PDE1A: variants seen among roughly 807,000 people sequenced by gnomAD.
PDE1A encodes the protein phosphodiesterase 1A.
Under a neutral mutation model 61.7 loss-of-function variants are expected in PDE1A, and 35 were observed. The observed-to-expected ratio is 0.57, with a 90% CI of 0.43 to 0.75. PDE1A has a LOEUF of 0.75. Among genes scored for constraint, PDE1A ranks in the 30% least tolerant of loss-of-function variants. PDE1A has a pLI of 0.00. For missense variants in PDE1A, 597 were observed against 630.6 expected (o/e 0.95, Z 0.57); for synonymous variants, 232 against 213.2 (o/e 1.09, Z -0.77).
intron 1 of PDE1A, among the ~76,000 whole-genome samples, chr2:182,275,772 A>C (rs959546357): frequency 1.3e-5 from 2 of 152,122 alleles, no homozygotes; most frequent in African/African-American, 2.4e-5. Context: ...CTTCTAACAC[A>C]GCCATTTTAT....
chr2:182,460,862 C>CA (rs1299148952), intron 2 of PDE1A, among the ~76,000 whole-genome samples: 27 of 152,188 alleles, frequency 1.8e-4, no homozygotes, highest in African/African-American at 6.0e-4. Context: ...CTTTTAATGG[C>CA]AAAAACTGCA....
At chr2:182,402,335 C>T (rs1255770631) in intron 1 of PDE1A, among the ~76,000 whole-genome samples, 1 of 152,090 alleles carries the variant, frequency 6.6e-6, no homozygotes. Flanking sequence ...ATTTATAGAC[C>T]AATGGAACAG....
At chr2:182,179,824 A>T (rs531833468) in intron 13 of PDE1A, among the ~76,000 whole-genome samples, 1 of 152,328 alleles carries the variant, frequency 6.6e-6, no homozygotes, top group East Asian at 1.9e-4. Context: ...TATTTTAATG[A>T]ACCTTATTTT....
At chr2:182,596,926 G>A in the PDE1A span, among the ~76,000 whole-genome samples, 8 of 152,266 alleles carry the variant, frequency 5.3e-5, no homozygotes, top group African/African-American at 1.9e-4. Flanking sequence ...GGCTGAGGCA[G>A]GTGAATCTGT....
At chr2:182,487,733 A>T (rs924751469) in intron 2 of PDE1A, among the ~76,000 whole-genome samples, 2 of 152,146 alleles carry the variant, frequency 1.3e-5, no homozygotes, top group Admixed American at 6.6e-5. Context: ...AACTCTAAAA[A>T]TTTTTTGAAA....
intron 1 of PDE1A, among the ~76,000 whole-genome samples, chr2:182,316,228 G>T (rs1414478601): frequency 6.6e-6 from 1 of 152,140 alleles, no homozygotes; most frequent in East Asian, 1.9e-4. Context: ...TAAAAATGAG[G>T]TAATTTATGT....
downstream of PDE1A, among the ~76,000 whole-genome samples, chr2:182,166,921 A>C (rs1691680779): frequency 6.6e-6 from 1 of 152,200 alleles, no homozygotes; most frequent in Admixed American, 6.5e-5. Flanking sequence ...ACAGTAAAAG[A>C]TGATGTAGGA....
At chr2:182,485,334 G>A (rs576355256) in intron 2 of PDE1A, among the ~76,000 whole-genome samples, 13 of 152,080 alleles carry the variant, frequency 8.5e-5, no homozygotes, top group African/African-American at 2.6e-4. Flanking sequence ...TGAACACAAA[G>A]AAGGAAACAA....
chr2:182,570,697 A>G, the PDE1A span, among the ~76,000 whole-genome samples: 1 of 152,206 alleles, frequency 6.6e-6, no homozygotes, highest in Non-Finnish European at 1.5e-5. Flanking sequence ...TAGGGTAAAA[A>G]GGAAACCTAA....
intron 2 of PDE1A, among the ~76,000 whole-genome samples, chr2:182,466,017 AT>A (rs552580548): frequency 2.7e-4 from 41 of 152,166 alleles, no homozygotes; most frequent in Middle Eastern, 3.4e-3. Flanking sequence ...TAAGTAAAGA[AT>A]TTTAAGGTGT....
At chr2:182,689,228 C>A in the PDE1A span, among the ~76,000 whole-genome samples, 1 of 152,164 alleles carries the variant, frequency 6.6e-6, no homozygotes, top group Non-Finnish European at 1.5e-5. Context: ...AATATACATT[C>A]TTCTCAGGAC....
At chr2:182,464,311 A>C (rs1686509915) in intron 2 of PDE1A, among the ~76,000 whole-genome samples, 1 of 152,144 alleles carries the variant, frequency 6.6e-6, no homozygotes, top group African/African-American at 2.4e-5. Flanking sequence ...AGGGTCTTGC[A>C]GTGGGGTATA....
At chr2:182,445,038 C>G (rs1465259211) in intron 2 of PDE1A, among the ~76,000 whole-genome samples, 1 of 152,024 alleles carries the variant, frequency 6.6e-6, no homozygotes, top group Non-Finnish European at 1.5e-5. Flanking sequence ...TTGAGCCATA[C>G]TATAATTATG....
At chr2:182,678,291 TG>T in the PDE1A span, among the ~76,000 whole-genome samples, 2 of 151,962 alleles carry the variant, frequency 1.3e-5, no homozygotes, top group Non-Finnish European at 2.9e-5. Context: ...GGCATGGTGG[TG>T]GGCGCCTGTA....
the PDE1A span, among the ~76,000 whole-genome samples, chr2:182,684,285 T>C: frequency 6.6e-6 from 1 of 152,142 alleles, no homozygotes; most frequent in Non-Finnish European, 1.5e-5. Flanking sequence ...CAATACCGTA[T>C]GTAATATATG....
chr2:182,241,875 G>T, intron 2 of PDE1A: 1 of 1,547,516 alleles, frequency 6.5e-7, no homozygotes, highest in Non-Finnish European at 8.7e-7. Context: ...CACTGAACTA[G>T]AAAATTAAAG....
At chr2:182,454,448 C>T (rs1430872128) in intron 2 of PDE1A, among the ~76,000 whole-genome samples, 1 of 152,078 alleles carries the variant, frequency 6.6e-6, no homozygotes, top group Non-Finnish European at 1.5e-5. Flanking sequence ...CAAAAAAGAG[C>T]CCGCATCGCC....
intron 4 of PDE1A, among the ~76,000 whole-genome samples, chr2:182,233,188 CA>C (rs1196491294): frequency 2.0e-5 from 3 of 152,094 alleles, no homozygotes; most frequent in African/African-American, 7.2e-5. Flanking sequence ...ATAGAGAAGG[CA>C]AAATCTCTCA....
chr2:182,227,237 TAA>T (rs1159999511), intron 6 of PDE1A, among the ~76,000 whole-genome samples: 3 of 152,036 alleles, frequency 2.0e-5, no homozygotes, highest in Admixed American at 2.0e-4. Flanking sequence ...GGGTAGAAGC[TAA>T]TAGAGTTTTG....
Sources: allele counts gnomAD v4.1 joint callset (sites outside exome capture counted in the v4.1 genomes callset), GRCh38; gene constraint gnomAD v4.1.1; transcripts MANE v1.5; gene names NCBI Gene and HGNC (gene_info 2026-07-23, HGNC 2026-07-21).